The following CELF2 variants were observed in gnomAD, a reference collection of about 807,000 sequenced individuals.
CELF2 encodes CUG triplet repeat RNA-binding protein 2.
Under a neutral mutation model 62.6 loss-of-function variants are expected in CELF2, and 8 were observed. The observed-to-expected ratio is 0.13, with a 90% CI of 0.07 to 0.23. CELF2 has a LOEUF of 0.23. CELF2 is among the 10% of genes least tolerant of loss of function. CELF2 has a pLI of 1.00. For missense variants in CELF2, 333 were observed against 671.0 expected (o/e 0.50, Z 5.56); for synonymous variants, 258 against 250.0 (o/e 1.03, Z -0.30).
intron 2 of CELF2, among the ~76,000 whole-genome samples, chr10:10,962,946 G>A (rs1311952861): frequency 6.6e-6 from 1 of 152,114 alleles, no homozygotes; most frequent in Admixed American, 6.5e-5. Context: ...CATCAAACGT[G>A]CAATGCCATC....
At chr10:10,963,744 T>A (rs1444413446) in intron 2 of CELF2, among the ~76,000 whole-genome samples, 5 of 152,210 alleles carry the variant, frequency 3.3e-5, no homozygotes, top group African/African-American at 1.2e-4. Context: ...CAGAGTTGGG[T>A]CCTTCATAGT....
chr10:11,149,929 G>A (rs762540976), intron 1 of CELF2, among the ~76,000 whole-genome samples: 51 of 152,162 alleles, frequency 3.4e-4, no homozygotes, highest in Admixed American at 1.0e-3. Flanking sequence ...AAATATATCC[G>A]TGATTCTATG....
At chr10:10,751,161 G>T in the CELF2 span, among the ~76,000 whole-genome samples, 2 of 152,204 alleles carry the variant, frequency 1.3e-5, no homozygotes, top group African/African-American at 4.8e-5. Context: ...GAGCCTGTGG[G>T]AGCAAAACCT....
chr10:11,181,191 A>G (rs1445513065), intron 2 of CELF2, among the ~76,000 whole-genome samples: 1 of 152,054 alleles, frequency 6.6e-6, no homozygotes, highest in South Asian at 2.1e-4. Flanking sequence ...TTTAAACCTA[A>G]ATATTTTGTT....
intron 1 of CELF2, among the ~76,000 whole-genome samples, chr10:11,122,709 C>G (rs767267714): frequency 6.6e-6 from 1 of 152,256 alleles, no homozygotes; most frequent in Non-Finnish European, 1.5e-5. Flanking sequence ...AAGAAATTCT[C>G]ATGCATAACT....
chr10:11,179,610 C>T (rs554774500), intron 2 of CELF2, among the ~76,000 whole-genome samples: 1 of 152,088 alleles, frequency 6.6e-6, no homozygotes. Context: ...TGTTGAGAAC[C>T]CTACGTGCCA....
chr10:11,285,826 G>GGGGTGTGTGT lies in CELF2; in HGVS notation c.842-2591_842-2590insGGTGTGTGTG, dbSNP rs1555067024. Among the ~76,000 whole-genome samples, 3 of 128,698 alleles carry GGGGTGTGTGT rather than the reference G, an allele frequency of 2.3e-5. No individual in the cohort carries two copies. The highest frequency in any genetic ancestry group is 3.2e-4 in the East Asian group (1 of 3,164). 84.4% of individuals were successfully genotyped at this position (128,698 alleles called of 152,430 possible). A position where few individuals can be genotyped will look rare whatever the true frequency, so the allele number is the denominator to read the frequency against. ...TTGCTCATCACCTACTATATATATTGGTGTGTGTGTGTGTGTGTGTGTGTG... is the reference window on the plus strand; with the variant it reads ...TTGCTCATCACCTACTATATATATTGGGGTGTGTGTGTGTGTGTGTGTGTGTGTGTGTGTG... On this transcript the variant is annotated intron_variant, in intron 8 of 12. Coordinates refer to ENST00000633077, the MANE Select transcript of CELF2 (RefSeq NM_001326342.2). This position sits in a 1 kb window ranked among gnomAD's most constrained non-coding sequence, Gnocchi z 4.3.
intron 5 of CELF2, 104 bp downstream of exon 5, chr10:11,257,976 T>C (rs1589999861): frequency 7.8e-7 from 1 of 1,284,176 alleles, no homozygotes; most frequent in Non-Finnish European, 1.1e-6. Context: ...GGTCACCCTG[T>C]AATACATCCC....
intron 1 of CELF2, among the ~76,000 whole-genome samples, chr10:10,901,094 A>G (rs2062907157): frequency 6.6e-6 from 1 of 152,212 alleles, no homozygotes; most frequent in African/African-American, 2.4e-5. Flanking sequence ...GTGTTAACAA[A>G]TGAATTCTCC....
At chr10:10,818,940 T>A (rs1046794578) in intron 1 of CELF2, among the ~76,000 whole-genome samples, 1 of 152,182 alleles carries the variant, frequency 6.6e-6, no homozygotes, top group Non-Finnish European at 1.5e-5. Flanking sequence ...GCTTCTTGGG[T>A]GTGTGTGTCC....
chr10:10,794,332 C>A (rs1249894206), upstream of CELF2, among the ~76,000 whole-genome samples: 1 of 151,834 alleles, frequency 6.6e-6, no homozygotes, highest in Non-Finnish European at 1.5e-5. Context: ...GAGAAGAAGG[C>A]AAGAGCCGGC....
chr10:11,327,150 G>A (rs146552223), intron 12 of CELF2, among the ~76,000 whole-genome samples: 118 of 141,358 alleles, frequency 8.3e-4, no homozygotes, highest in Middle Eastern at 3.7e-3. Context: ...GTATAAACCC[G>A]TGTGACAGTT....
chr10:10,524,055 T>G, the CELF2 span, among the ~76,000 whole-genome samples: 4 of 152,158 alleles, frequency 2.6e-5, no homozygotes, highest in Non-Finnish European at 5.9e-5. Flanking sequence ...CTAGAAGTTG[T>G]GCCCAGAGAT....
upstream of CELF2, among the ~76,000 whole-genome samples, chr10:11,003,400 A>G (rs1419244773): frequency 6.6e-6 from 1 of 152,194 alleles, no homozygotes; most frequent in Non-Finnish European, 1.5e-5. The surrounding 1 kb of genome is among the most constrained non-coding windows in gnomAD (Gnocchi z 4.4). Context: ...CCCCCATTAG[A>G]AACTGCATGG....
At chr10:10,788,094 C>A in the CELF2 span, among the ~76,000 whole-genome samples, 1 of 152,094 alleles carries the variant, frequency 6.6e-6, no homozygotes, top group South Asian at 2.1e-4. Context: ...ATGATTAGTG[C>A]AAGCCATAAG....
At chr10:10,623,697 G>C in the CELF2 span, among the ~76,000 whole-genome samples, 1 of 152,190 alleles carries the variant, frequency 6.6e-6, no homozygotes, top group African/African-American at 2.4e-5. Context: ...AAGACATACT[G>C]AAATAATGAC....
intron 1 of CELF2, among the ~76,000 whole-genome samples, chr10:10,905,952 T>G (rs1394596747): frequency 6.6e-6 from 1 of 151,542 alleles, no homozygotes; most frequent in Non-Finnish European, 1.5e-5. Context: ...GCACCTGTAG[T>G]CCCAGCTATC....
the CELF2 span, among the ~76,000 whole-genome samples, chr10:10,472,304 G>T: frequency 6.6e-6 from 1 of 151,510 alleles, no homozygotes; most frequent in Non-Finnish European, 1.5e-5. Flanking sequence ...TCTTCAAATT[G>T]GGTAATTTGT....
At chr10:11,204,925 C>T (rs1448643944) in intron 2 of CELF2, among the ~76,000 whole-genome samples, 1 of 152,168 alleles carries the variant, frequency 6.6e-6, no homozygotes, top group African/African-American at 2.4e-5. Flanking sequence ...AGTAGTGAAA[C>T]CTGGGTGTGC....
Sources: allele counts gnomAD v4.1 joint callset (sites outside exome capture counted in the v4.1 genomes callset), GRCh38; gene constraint gnomAD v4.1.1; non-coding constraint Gnocchi (gnomAD v3.1); transcripts MANE v1.5; gene names NCBI Gene and HGNC (gene_info 2026-07-23, HGNC 2026-07-21).